The following AFG2A variants were observed in gnomAD, a reference collection of about 807,000 sequenced individuals.
AFG2A encodes the protein ATPase family gene 2 protein homolog A.
the AFG2A span, among the ~76,000 whole-genome samples, chr4:122,996,806 A>G: frequency 6.6e-6 from 1 of 152,166 alleles, no homozygotes; most frequent in Admixed American, 6.6e-5. Context: ...TGAAGGCCTG[A>G]GAACCCAGGG....
the AFG2A span, among the ~76,000 whole-genome samples, chr4:123,068,536 G>A: frequency 0.8 from 121,739 of 152,090 alleles, 50,440 homozygotes; most frequent in East Asian, 0.97. Flanking sequence ...GAGTAATCAA[G>A]TAGCTCCACA....
At chr4:123,141,335 G>A in the AFG2A span, among the ~76,000 whole-genome samples, 2 of 151,886 alleles carry the variant, frequency 1.3e-5, no homozygotes, top group South Asian at 4.2e-4. Flanking sequence ...TGGTGGCGTG[G>A]GCCTGTAGTC....
At chr4:123,173,316 C>G in the AFG2A span, among the ~76,000 whole-genome samples, 1 of 135,222 alleles carries the variant, frequency 7.4e-6, no homozygotes, top group South Asian at 2.6e-4. Context: ...AATTCTAAAT[C>G]AAATTTAGTG....
At chr4:122,972,463 C>T in the AFG2A span, among the ~76,000 whole-genome samples, 1 of 150,626 alleles carries the variant, frequency 6.6e-6, no homozygotes, top group Non-Finnish European at 1.5e-5. Context: ...TTCATTATTT[C>T]CCTCCTTCTT....
At chr4:123,252,483 A>ATT in the AFG2A span, among the ~76,000 whole-genome samples, 5 of 152,160 alleles carry the variant, frequency 3.3e-5, no homozygotes, top group Admixed American at 6.5e-5. Context: ...TTCTTACGTG[A>ATT]TTTTTTCCAA....
At chr4:123,192,702 G>C in the AFG2A span, among the ~76,000 whole-genome samples, 1 of 152,110 alleles carries the variant, frequency 6.6e-6, no homozygotes, top group Non-Finnish European at 1.5e-5. Context: ...TTTGAGTCTA[G>C]CTTCTCTCCC....
the AFG2A span, among the ~76,000 whole-genome samples, chr4:123,058,588 G>A: frequency 4.3e-4 from 65 of 152,238 alleles, 1 homozygote; most frequent in South Asian, 0.013. Context: ...CTGCTCCATC[G>A]CACTCCACCC....
At chr4:123,006,538 T>C in the AFG2A span, among the ~76,000 whole-genome samples, 13 of 152,274 alleles carry the variant, frequency 8.5e-5, no homozygotes, top group South Asian at 4.1e-4. Flanking sequence ...TTGTGTCTTC[T>C]TTTTTACTTT....
At chr4:123,073,667 A>G in the AFG2A span, among the ~76,000 whole-genome samples, 2 of 152,180 alleles carry the variant, frequency 1.3e-5, no homozygotes, top group African/African-American at 4.8e-5. Context: ...TCTCAAGTAT[A>G]TAGGTTTCTT....
chr4:123,265,059 A>G, the AFG2A span, among the ~76,000 whole-genome samples: 2 of 152,048 alleles, frequency 1.3e-5, no homozygotes, highest in Non-Finnish European at 2.9e-5. Context: ...GGGGACCTTA[A>G]ATGACTCTGA....
At chr4:123,220,924 T>C in the AFG2A span, among the ~76,000 whole-genome samples, 2 of 152,196 alleles carry the variant, frequency 1.3e-5, no homozygotes, top group African/African-American at 4.8e-5. Context: ...ATAAATTTGA[T>C]ACATGAACGA....
At chr4:122,928,406 T>G in the AFG2A span, among the ~76,000 whole-genome samples, 2,052 of 152,262 alleles carry the variant, frequency 0.013, 30 homozygotes, top group East Asian at 0.043. Context: ...CTTTGATGCT[T>G]CTCTGATTTG....
At chr4:123,233,770 T>C in the AFG2A span, among the ~76,000 whole-genome samples, 1 of 151,962 alleles carries the variant, frequency 6.6e-6, no homozygotes, top group Non-Finnish European at 1.5e-5. Flanking sequence ...GCAGTGTTTA[T>C]GTATACATAT....
chr4:123,053,665 G>C, the AFG2A span, among the ~76,000 whole-genome samples: 1,846 of 152,244 alleles, frequency 0.012, 43 homozygotes, highest in African/African-American at 0.041. Context: ...GTGTCTCCCA[G>C]CAGGTCCGTA....
At chr4:122,945,029 G>A in the AFG2A span, among the ~76,000 whole-genome samples, 1 of 152,196 alleles carries the variant, frequency 6.6e-6, no homozygotes, top group African/African-American at 2.4e-5. Flanking sequence ...GGCCGTGTGA[G>A]GTGTCAGTCT....
chr4:122,965,000 T>A, the AFG2A span, among the ~76,000 whole-genome samples: 2 of 152,162 alleles, frequency 1.3e-5, no homozygotes, highest in Non-Finnish European at 2.9e-5. Flanking sequence ...TTGAGGAAAG[T>A]ACATTTTAAA....
chr4:123,273,314 C>CT, the AFG2A span, among the ~76,000 whole-genome samples: 1 of 152,020 alleles, frequency 6.6e-6, no homozygotes, highest in Non-Finnish European at 1.5e-5. Flanking sequence ...GAAATCCAAA[C>CT]TTTATCAGTG....
chr4:123,291,270 G>C, the AFG2A span, among the ~76,000 whole-genome samples: 1 of 152,050 alleles, frequency 6.6e-6, no homozygotes, highest in Non-Finnish European at 1.5e-5. Context: ...CATTCCACCA[G>C]TCAGTATCTT....
the AFG2A span, among the ~76,000 whole-genome samples, chr4:123,232,678 G>A: frequency 3.0e-4 from 45 of 151,994 alleles, no homozygotes; most frequent in Non-Finnish European, 6.2e-4. Context: ...TTGAACGAGG[G>A]TTTTTAGTAG....
Sources: gnomAD v4.1 joint callset for allele counts (sites outside exome capture counted in the v4.1 genomes callset) on GRCh38, gnomAD v4.1.1 for gene constraint, MANE v1.5 for transcripts, NCBI Gene and HGNC (gene_info 2026-07-23, HGNC 2026-07-21) for gene names.